Variants in ARHGEF25 observed in about 807,000 individuals in gnomAD.
The protein encoded by ARHGEF25 is Rho guanine nucleotide exchange factor 25, also known as RAC/CDC42 exchange factor.
Under a neutral mutation model 74.0 loss-of-function variants are expected in ARHGEF25, and 42 were observed. The ratio of observed to expected loss-of-function variants is 0.57; its 90% CI spans 0.44 to 0.73. The LOEUF (loss-of-function observed/expected upper bound fraction) is 0.73. Among genes scored for constraint, ARHGEF25 ranks in the 30% least tolerant of loss-of-function variants. The probability of loss-of-function intolerance (pLI) is 0.00; values close to 1 mark genes in which losing one functional copy is unlikely to be tolerated. For synonymous variants in ARHGEF25, 293 were observed against 278.6 expected (o/e 1.05, Z -0.51); for missense variants, 645 against 725.5 (o/e 0.89, Z 1.27).
chr12:57,614,627 G>A lies in ARHGEF25; in HGVS notation c.816+22G>A. On this transcript the variant is annotated intron_variant, in intron 8 of 14. Coordinates refer to ENST00000286494, the MANE Select transcript of ARHGEF25 (RefSeq NM_182947.4). This position sits in a 1 kb window ranked among gnomAD's most constrained non-coding sequence, Gnocchi z 4.6. The stretch of plus-strand genomic sequence containing the variant: ...TGAGGTCAGTAGCTGAGATGTCTTG[G>A]TGGGAAGGAGGACAGAACTGGGGCT... 1.2e-6 allele frequency: 2 copies of A among 1,614,036 alleles called. No individual in the cohort carries two copies. The highest frequency in any genetic ancestry group is 1.7e-6 in the Non-Finnish European group (2 of 1,179,998).
Position 57,615,552 on chromosome 12 carries a change from C to A in ARHGEF25, c.1079C>A (p.Thr360Asn). 6.2e-7 allele frequency: 1 copy of A among 1,614,196 alleles called. No homozygotes were observed. Among genetic ancestry groups the A allele is most frequent in the Non-Finnish European group, 8.5e-7 (1 of 1,180,046 alleles). ...CAGGGGAAGCTCTTGGGCCAGGACA[C>A]TTTCTGGGTCACCGAGCCTGAGGCT... is the stretch of plus-strand genomic sequence containing the variant. The part of the protein sequence containing the change: ...TAQGKLLGQD[T>N]FWVTEPEAGG... The change falls in exon 12 of 15, where the codon ACT becomes AAT. Residue 360 changes from threonine (T) to asparagine (N), a missense_variant. Physicochemically the swap from Thr to Asn is moderately conservative, Grantham distance 65. Transcript: ENST00000286494.
chr12:57,616,514 C>G lies in ARHGEF25; in HGVS notation c.1632+19C>G. 1.9e-6 allele frequency: 3 copies of G among 1,608,980 alleles called. No homozygotes were observed. Among genetic ancestry groups the G allele is most frequent in the Non-Finnish European group, 2.5e-6 (3 of 1,177,244 alleles). On this transcript the variant is annotated intron_variant, in intron 14 of 14. Transcript: ENST00000286494. Reference sequence around the variant, plus strand: ...TAAACAGGTATGACGAATAGAGCTCCCTCATTGTAGGGATAAAAAGGGGAG... The same window carrying G: ...TAAACAGGTATGACGAATAGAGCTCGCTCATTGTAGGGATAAAAAGGGGAG...
rs201086113 is a variant in ARHGEF25, at chr12:57,613,803, C to A, written c.552+43C>A. ...TTCCCAGCCCCTCCTGCCTGCTTTTCCATCTGCCCAGGGCTATTTTCAGGA... is the reference window on the plus strand; with the variant it reads ...TTCCCAGCCCCTCCTGCCTGCTTTTACATCTGCCCAGGGCTATTTTCAGGA... On this transcript the variant is annotated intron_variant, in intron 5 of 14. Coordinates refer to ENST00000286494, the MANE Select transcript of ARHGEF25 (RefSeq NM_182947.4). 11 of 1,605,874 alleles carry A rather than the reference C, an allele frequency of 6.8e-6. No individual in the cohort carries two copies. In the East Asian group the frequency reaches 2.5e-4, roughly 36 times the overall value.
upstream of ARHGEF25, chr12:57,610,622 G>A (rs1274458344): frequency 1.9e-6 from 3 of 1,612,236 alleles, no homozygotes; most frequent in African/African-American, 2.7e-5. Flanking sequence ...GAGTCTGAAC[G>A]TACGGAGGGA....
rs1434570805 is a variant in ARHGEF25, at chr12:57,613,348, G to A, written c.397G>A (p.Asp133Asn). The change falls in exon 3 of 15, where the codon GAT becomes AAT. Residue 133 changes from aspartate (D) to asparagine (N), a missense_variant. Coordinates refer to ENST00000286494, the MANE Select transcript of ARHGEF25 (RefSeq NM_182947.4). The stretch of plus-strand genomic sequence containing the variant: ...GACCACACTGTTGGAGGGCCCTGGA[G>A]ATAAGACGCAGGTGTGAGGACAGGC... ...LLTTLLEGPG[D>N]KTQPPEEETL... The A allele has an allele frequency of 6.2e-7, 1 of 1,614,246 alleles. No homozygotes were observed. Among genetic ancestry groups the A allele is most frequent in the African/African-American group, 1.3e-5 (1 of 75,068 alleles).
At chr12:57,611,355 C>A, upstream of ARHGEF25, 1 of 821,544 alleles carries the variant, frequency 1.2e-6, no homozygotes. The surrounding 1 kb of genome is among the most constrained non-coding windows in gnomAD (Gnocchi z 4.5). Flanking sequence ...CCGGCGCAGG[C>A]AGGAGGGGGA....
chr12:57,616,938 C>G lies in ARHGEF25; in HGVS notation c.*44C>G. 6.8e-7 allele frequency: 1 copy of G among 1,478,868 alleles called. No homozygotes were observed. The highest frequency in any genetic ancestry group is 1.1e-5 in the South Asian group (1 of 88,054). The allele number at this position is 1,478,868 out of a possible 1,614,324, so 91.6% of individuals were successfully genotyped here. ...GTGGTGCTGACTCAGCCGCCTATTC[C>G]CCAAGGAGCTTCAGGGCAGTCCTTC... On this transcript the variant is annotated 3_prime_UTR_variant, in exon 15 of 15. Transcript: ENST00000286494.
chr12:57,616,308 A>G lies in ARHGEF25; in HGVS notation c.1445A>G (p.Gln482Arg). The change falls in exon 14 of 15, where the codon CAG becomes CGG. Residue 482 changes from glutamine (Q) to arginine (R), a missense_variant. Physicochemically the swap from Gln to Arg is conservative, Grantham distance 43. Around this residue, in one of 3 missense-constraint regions of ARHGEF25, gnomAD observed 262 missense variants for 256.9 expected, o/e 1.02. Coordinates refer to ENST00000286494, the MANE Select transcript of ARHGEF25 (RefSeq NM_182947.4). ...LNALQSPIEY[Q>R]RRESQTNSLG... Reference sequence around the variant, plus strand: ...GCATTGCAGTCACCCATTGAGTACCAGAGACGGGAGAGCCAGACCAACAGC... The same window carrying G: ...GCATTGCAGTCACCCATTGAGTACCGGAGACGGGAGAGCCAGACCAACAGC... 6.2e-7 allele frequency: 1 copy of G among 1,613,078 alleles called. No homozygotes were observed. Among genetic ancestry groups the G allele is most frequent in the African/African-American group, 1.3e-5 (1 of 75,014 alleles).
At chr12:57,612,434 A>C in intron 1 of ARHGEF25, 1 of 161,784 alleles carries the variant, frequency 6.2e-6, no homozygotes, top group Non-Finnish European at 1.3e-5. Flanking sequence ...GGCCTCCTCT[A>C]TTGGGTCTAC....
At chr12:57,613,215 C>T in intron 2 of ARHGEF25, 49 bp from the exon 3 acceptor site, 1 of 1,609,978 alleles carries the variant, frequency 6.2e-7, no homozygotes, top group Non-Finnish European at 8.5e-7. Flanking sequence ...CAAGTTGGGG[C>T]CACCCAGCTA....
Position 57,615,319 on chromosome 12 carries a change from G to T in ARHGEF25, c.1038+5G>T. 1 of 1,603,106 alleles carries T rather than the reference G, an allele frequency of 6.2e-7. No individual in the cohort carries two copies. The highest frequency in any genetic ancestry group is 8.5e-7 in the Non-Finnish European group (1 of 1,175,024). On this transcript the variant is annotated splice_donor_5th_base_variant and intron_variant, in intron 11 of 14. Transcript: ENST00000286494. ...GGGAGATTGCGGGGATTTGAGGTAC[G>T]GAGATAGGGCAAGAAACTGGAGGCC...
At chr12:57,615,464 G>T (rs1270270695) in intron 11 of ARHGEF25, 48 bp from the exon 12 acceptor site, 1 of 1,611,194 alleles carries the variant, frequency 6.2e-7, no homozygotes, top group East Asian at 2.2e-5. Flanking sequence ...GCAGAGAATT[G>T]TCCTTTTTCT....
At chr12:57,615,124 G>T (rs1884225992) in intron 10 of ARHGEF25, 107 bp downstream of exon 10, 18 of 1,565,488 alleles carry the variant, frequency 1.1e-5, no homozygotes, top group Non-Finnish European at 1.5e-5. Context: ...GGTTTTTAGG[G>T]GGAGGCTGGT....
Position 57,613,081 on chromosome 12 carries a change from T to TTCCAAA in ARHGEF25, c.249_250insTCCAAA (p.Asp83_His84insSerLys), listed in dbSNP as rs1884124572. ...TCAGTGGCCTGAGGAGATGGTTGGA[T>TTCCAAA]CATTCCAAACATTGTCTCAGTGTGG... is the stretch of plus-strand genomic sequence containing the variant. On this transcript the variant is annotated inframe_insertion, in exon 2 of 15. Coordinates refer to ENST00000286494, the MANE Select transcript of ARHGEF25 (RefSeq NM_182947.4). The TTCCAAA allele has an allele frequency of 6.2e-7, 1 of 1,614,044 alleles. No homozygotes were observed. Among genetic ancestry groups the TTCCAAA allele is most frequent in the South Asian group, 1.1e-5 (1 of 91,066 alleles).
intron 11 of ARHGEF25, 52 bp downstream of exon 11, chr12:57,615,366 C>G: frequency 6.3e-7 from 1 of 1,583,110 alleles, no homozygotes; most frequent in African/African-American, 1.4e-5. Context: ...TGCCCCAGCC[C>G]TAGCATTCAG....
At position 57,613,739 on chromosome 12, in the gene ARHGEF25, C is replaced by T. The variant is rs143413238; in HGVS notation, c.531C>T (p.Asp177=). The change falls in exon 5 of 15, where the codon GAC becomes GAT. Residue 177 remains aspartate, a synonymous_variant. Transcript: ENST00000286494. ...ELVETEKMYV[D]DLGQIVEGYM... is the part of the protein sequence containing the mutation. ...TAGAAACAGAGAAAATGTACGTGGA[C>T]GACTTGGGGCAGATTGTGGAGGTAG... The T allele has an allele frequency of 1.3e-4, 203 of 1,613,956 alleles. No homozygotes were observed. The highest frequency in any genetic ancestry group is 9.9e-4 in the Middle Eastern group (6 of 6,084).
intron 1 of ARHGEF25, 112 bp downstream of exon 1, chr12:57,612,103 CAGGAAAGTGGTTT>C (rs1884081276): frequency 2.3e-6 from 2 of 885,724 alleles, no homozygotes; most frequent in African/African-American, 3.4e-5. Flanking sequence ...ATGTGTTTTC[CAGGAAAGTGGTTT>C]CTTAAGTGAT....
Position 57,613,050 on chromosome 12 carries a change from G to A in ARHGEF25, c.218G>A (p.Gly73Glu), listed in dbSNP as rs551752562. The A allele has an allele frequency of 3.1e-6, 5 of 1,614,152 alleles. No homozygotes were observed. The highest frequency in any genetic ancestry group is 1.7e-5 in the Admixed American group (1 of 60,032). ...SSGPCSPGPP[G>E]PVSGLRRWLD... ...GGCCCCTGTTCCCCAGGCCCCCCAG[G>A]GCCCGTCAGTGGCCTGAGGAGATGG... The change falls in exon 2 of 15, where the codon GGG becomes GAG. Residue 73 changes from glycine (G) to glutamate (E), a missense_variant. This residue lies in a region of ARHGEF25 where 189 missense variants were observed against 199.1 expected (regional missense o/e 0.95). Transcript: ENST00000286494.
chr12:57,615,597 G>C lies in ARHGEF25; in HGVS notation c.1124G>C (p.Arg375Pro). The C allele has an allele frequency of 6.2e-7, 1 of 1,614,194 alleles. No individual in the cohort carries two copies. Among genetic ancestry groups the C allele is most frequent in the Non-Finnish European group, 8.5e-7 (1 of 1,180,032 alleles). ...EPEAGGLLSSRGRERRVFLFE... is the reference protein window; with the variant it reads ...EPEAGGLLSSPGRERRVFLFE... ...GAGGCTGGAGGGCTGCTGTCTTCCC[G>C]AGGTCGAGAGAGGCGCGTCTTCCTC... is the stretch of plus-strand genomic sequence containing the variant. Residue 375 changes from arginine to proline, a missense_variant, in exon 12 of 15, where the codon CGA (arginine) becomes CCA (proline). Transcript: ENST00000286494.
Sources: allele counts gnomAD v4.1 joint callset, GRCh38; gene constraint gnomAD v4.1.1; regional missense constraint gnomAD v4.1.1; non-coding constraint Gnocchi (gnomAD v3.1); transcripts MANE v1.5; gene names NCBI Gene and HGNC (gene_info 2026-07-23, HGNC 2026-07-21).